NLRP5: variants seen among roughly 807,000 people sequenced by gnomAD.
NLRP5 encodes NLR family pyrin domain containing 5.
A neutral mutation model predicts 113.1 loss-of-function variants in NLRP5; 93 were observed. The ratio of observed to expected loss-of-function variants is 0.82; its 90% CI spans 0.70 to 0.98. The LOEUF is 0.98. Among genes scored for constraint, NLRP5 ranks in the 50% least tolerant of loss-of-function variants. NLRP5 has a pLI of 0.00. For missense variants in NLRP5, 1,808 were observed against 1,514.3 expected (o/e 1.19, Z -3.22); for synonymous variants, 751 against 600.7 (o/e 1.25, Z -3.66).
rs369622191 is a variant in NLRP5 at position 56,043,542 on chromosome 19, C to CTTTTTTTTTTTTT, written c.2957+2479_2957+2491dup. Among the ~76,000 whole-genome samples the CTTTTTTTTTTTTT allele has an allele frequency of 1.2e-4, 11 of 92,956 alleles. 2 individuals carry two copies. Among genetic ancestry groups the CTTTTTTTTTTTTT allele is most frequent in the African/African-American group, 3.2e-4 (6 of 18,832 alleles). The allele number at this position is 92,956 out of a possible 152,430, so 61.0% of individuals were successfully genotyped here. On this transcript the variant is annotated intron_variant, in intron 11 of 14. Coordinates refer to ENST00000390649, the MANE Select transcript of NLRP5 (RefSeq NM_153447.4). Reference sequence around the variant, plus strand: ...TGGATTGTCTGTTTACTCTGCTATTCTTTTTTTTTTTTTTTTTTTTTTTTT... The same window carrying CTTTTTTTTTTTTT: ...TGGATTGTCTGTTTACTCTGCTATTCTTTTTTTTTTTTTTTTTTTTTTTTTTTTTTTTTTTTTT...
chr19:56,016,639 T>C (rs7253464), intron 4 of NLRP5, among the ~76,000 whole-genome samples: 80,060 of 151,936 alleles, frequency 0.53, 22,032 homozygotes, highest in African/African-American at 0.69. Flanking sequence ...TGGTAACCAC[T>C]GTTCTACCCT....
intron 10 of NLRP5, among the ~76,000 whole-genome samples, chr19:56,039,938 T>G (rs1429244578): frequency 6.6e-6 from 1 of 151,890 alleles, no homozygotes; most frequent in Non-Finnish European, 1.5e-5. Context: ...GTATCTAGTT[T>G]ATGCCTAAGG....
chr19:56,055,585 C>G (rs368931082), intron 13 of NLRP5, among the ~76,000 whole-genome samples: 95 of 124,542 alleles, frequency 7.6e-4, no homozygotes, highest in South Asian at 2.1e-3. Context: ...TTGCTCTGTC[C>G]CCCAGGCTGG....
intron 13 of NLRP5, among the ~76,000 whole-genome samples, 172 bp from the exon 14 acceptor site, chr19:56,058,068 A>C (rs1210692567): frequency 6.7e-6 from 1 of 149,866 alleles, no homozygotes; most frequent in Non-Finnish European, 1.5e-5. Context: ...GTCTTTCATC[A>C]GAACAACTAA....
At chr19:56,042,633 A>T (rs576277572) in intron 11 of NLRP5, among the ~76,000 whole-genome samples, 1 of 152,136 alleles carries the variant, frequency 6.6e-6, no homozygotes, top group Admixed American at 6.5e-5. Context: ...ATGAGCCACC[A>T]TGCCCAGCCA....
chr19:56,043,488 C>G (rs1356080285), intron 11 of NLRP5, among the ~76,000 whole-genome samples: 2 of 143,040 alleles, frequency 1.4e-5, no homozygotes, highest in Non-Finnish European at 1.5e-5. Context: ...AGACTCGACT[C>G]TAGATTGTGA....
chr19:56,032,184 A>G (rs543330949), intron 7 of NLRP5, among the ~76,000 whole-genome samples: 7 of 152,186 alleles, frequency 4.6e-5, no homozygotes, highest in Admixed American at 2.0e-4. Flanking sequence ...ATCTCTATTA[A>G]AAATGCAAAA....
At chr19:56,054,609 G>C (rs576217678) in intron 13 of NLRP5, among the ~76,000 whole-genome samples, 1 of 150,596 alleles carries the variant, frequency 6.6e-6, no homozygotes, top group African/African-American at 2.4e-5. Context: ...CCACCACATG[G>C]ATGAGCCTTG....
chr19:56,032,732 A>T lies in NLRP5; in HGVS notation c.2398A>T (p.Thr800Ser), dbSNP rs765989216. The change falls in exon 8 of 15, where the codon ACC becomes TCC. Residue 800 changes from threonine to serine, a missense_variant. Physicochemically the swap from Thr to Ser is moderately conservative, Grantham distance 58. Coordinates refer to ENST00000390649, the MANE Select transcript of NLRP5 (RefSeq NM_153447.4). ...CATCCTGACAGAGCGGGCCATGAAG[A>T]CCCTGTGTGCCAAGCTGAGGCATCC... 2.5e-6 allele frequency: 4 copies of T among 1,612,716 alleles called. No homozygotes were observed. The East Asian group carries it at 6.7e-5, about 27-fold the overall frequency.
At chr19:56,010,988 C>T (rs1343594287) in intron 3 of NLRP5, among the ~76,000 whole-genome samples, 1 of 151,640 alleles carries the variant, frequency 6.6e-6, no homozygotes, top group South Asian at 2.1e-4. Context: ...CCGACGTCTA[C>T]CAAAAGAATT....
In NLRP5 at chr19:56,041,026, G is replaced by C; in HGVS notation, c.2891G>C (p.Gly964Ala). The C allele has an allele frequency of 6.2e-7, 1 of 1,613,988 alleles. No individual in the cohort carries two copies. The highest frequency in any genetic ancestry group is 8.5e-7 in the Non-Finnish European group (1 of 1,179,882). Residue 964 changes from glycine to alanine, a missense_variant, in exon 11 of 15, where the codon GGG (glycine) becomes GCG (alanine). By Grantham distance (60) the Gly-to-Ala change is moderately conservative. Coordinates refer to ENST00000390649, the MANE Select transcript of NLRP5 (RefSeq NM_153447.4). ...CTGTGCCTATCCAACAACAGCCTGG[G>C]GAACGAAGGTGTAAATCTACTGTGT... is the stretch of plus-strand genomic sequence containing the variant.
chr19:55,988,345 A>G, the NLRP5 span: 43 of 156,392 alleles, frequency 2.7e-4, no homozygotes, highest in Admixed American at 2.6e-3. Context: ...CAGTGAGCTG[A>G]GATCACGCCA....
chr19:56,015,113 G>T (rs1249496189), intron 3 of NLRP5, among the ~76,000 whole-genome samples: 2 of 152,300 alleles, frequency 1.3e-5, no homozygotes, highest in Admixed American at 1.3e-4. Context: ...CAGGATACAA[G>T]TCTCTCATTT....
intron 12 of NLRP5, 62 bp downstream of exon 12, chr19:56,050,650 TC>T (rs1230938282): frequency 4.0e-6 from 6 of 1,517,180 alleles, no homozygotes; most frequent in African/African-American, 1.4e-5. Flanking sequence ...TCCTGAAAGG[TC>T]AAGAGATAGG....
At chr19:56,045,358 C>G (rs556597214) in intron 11 of NLRP5, among the ~76,000 whole-genome samples, 1 of 152,028 alleles carries the variant, frequency 6.6e-6, no homozygotes, top group Non-Finnish European at 1.5e-5. Flanking sequence ...TGGGTGTGAG[C>G]GGGCTGAGTC....
At chr19:55,994,340 A>T in the NLRP5 span, among the ~76,000 whole-genome samples, 43 of 152,170 alleles carry the variant, frequency 2.8e-4, no homozygotes, top group South Asian at 2.1e-4. Flanking sequence ...TTCCTCATAT[A>T]TTCTGGGTAT....
At chr19:56,041,434 A>G (rs1038844548) in intron 11 of NLRP5, among the ~76,000 whole-genome samples, 1 of 152,144 alleles carries the variant, frequency 6.6e-6, no homozygotes, top group Non-Finnish European at 1.5e-5. Context: ...GTGAACCTCT[A>G]GTCACGTTTT....
chr19:56,029,117 G>A lies in NLRP5; in HGVS notation c.2276+608G>A, dbSNP rs185718213. ...CTTATTTGGTATGGTGTCCAGGGCC[G>A]TGCTGTCCAGTAGAGGGTTCTGTGA... On this transcript the variant is annotated intron_variant, in intron 7 of 14. Transcript: ENST00000390649. 3.6e-4 allele frequency among the ~76,000 whole-genome samples: 55 copies of A among 152,126 alleles called. 1 individual carries two copies. The highest frequency in any genetic ancestry group is 3.4e-3 in the Admixed American group (52 of 15,262).
intron 7 of NLRP5, among the ~76,000 whole-genome samples, chr19:56,031,307 C>T (rs548530020): frequency 6.6e-6 from 1 of 152,132 alleles, no homozygotes; most frequent in Non-Finnish European, 1.5e-5. Context: ...CTCCACTCTA[C>T]TTTCTGCTAT....
Sources: gnomAD v4.1 joint callset for allele counts (sites outside exome capture counted in the v4.1 genomes callset) on GRCh38, gnomAD v4.1.1 for gene constraint, MANE v1.5 for transcripts, NCBI Gene and HGNC (gene_info 2026-07-23, HGNC 2026-07-21) for gene names.